The following MYOCD variants were observed in gnomAD, a reference collection of about 807,000 sequenced individuals.
MYOCD encodes the protein myocardin.
Under a neutral mutation model 96.1 loss-of-function variants are expected in MYOCD, and 32 were observed. That is an observed-to-expected ratio of 0.33 (90% CI 0.25 to 0.45). The LOEUF (loss-of-function observed/expected upper bound fraction) is 0.45. Ranked by LOEUF, MYOCD falls within the 20% of genes least tolerant of loss-of-function variation. The probability of loss-of-function intolerance (pLI) is 1.00; values close to 1 mark genes in which losing one functional copy is unlikely to be tolerated. For synonymous variants in MYOCD, 469 were observed against 469.0 expected (o/e 1.00, Z 0.00); for missense variants, 1,133 against 1,200.6 (o/e 0.94, Z 0.83).
At position 12,758,176 on chromosome 17, in the gene MYOCD, T is replaced by A. The variant is rs2033064985; in HGVS notation, c.2294T>A (p.Val765Glu). The A allele has an allele frequency of 6.2e-7, 1 of 1,614,020 alleles. No homozygotes were observed. Among genetic ancestry groups the A allele is most frequent in the Admixed American group, 1.7e-5 (1 of 59,996 alleles). Residue 765 changes from valine (V) to glutamate (E), a missense_variant, in exon 12 of 14, where the codon GTA becomes GAA. Physicochemically the swap from Val to Glu is moderately radical, Grantham distance 121. Transcript: ENST00000425538. The stretch of plus-strand genomic sequence containing the variant: ...AAGTCAAGTTCAGCAATTTCAGAGG[T>A]AACACAGCCTCCATCCTATGAAGAT... ...FSKSSSAISE[V>E]TQPPSYEDAV... is the part of the protein sequence containing the mutation.
rs2033356047 is a variant in MYOCD at position 12,766,982 on chromosome 17, G to A, written c.*3338G>A. ...AGGAAGAGAGGGAGGGAGGGAGGAA[G>A]AAGAGGGAGGGAGCGAGGAAGGAAG... On this transcript the variant is annotated 3_prime_UTR_variant, in exon 14 of 14. Transcript: ENST00000425538. The A allele has an allele frequency of 6.6e-6, 1 of 151,314 alleles. No homozygotes were observed. Among genetic ancestry groups the A allele is most frequent in the Non-Finnish European group, 1.5e-5 (1 of 67,838 alleles). The allele number at this position is 151,314 out of a possible 1,614,324, so 9.4% of individuals were successfully genotyped here.
At chr17:12,717,030 A>G (rs1170023328) in intron 3 of MYOCD, among the ~76,000 whole-genome samples, 2 of 148,768 alleles carry the variant, frequency 1.3e-5, no homozygotes, top group African/African-American at 5.0e-5. Context: ...AGGCAATGGA[A>G]TAAGATTCAT....
intron 5 of MYOCD, among the ~76,000 whole-genome samples, chr17:12,727,378 G>A (rs2032029575): frequency 6.6e-6 from 1 of 152,186 alleles, no homozygotes; most frequent in African/African-American, 2.4e-5. Context: ...GAGTTGCTTA[G>A]AGACAGCTAC....
At chr17:12,717,516 T>A in intron 4 of MYOCD, 95 bp downstream of exon 4, 1 of 1,004,370 alleles carries the variant, frequency 1.0e-6, no homozygotes, top group Non-Finnish European at 1.5e-6. Context: ...TAAGCCCTCT[T>A]AAAAATCTCC....
At chr17:12,707,002 C>T (rs2031311345) in intron 2 of MYOCD, among the ~76,000 whole-genome samples, 1 of 152,210 alleles carries the variant, frequency 6.6e-6, no homozygotes, top group Admixed American at 6.5e-5. Flanking sequence ...AGTGTAGAGT[C>T]TGCTGTGGAA....
chr17:12,709,434 T>C (rs2031410895), intron 2 of MYOCD, among the ~76,000 whole-genome samples: 1 of 152,188 alleles, frequency 6.6e-6, no homozygotes, highest in Non-Finnish European at 1.5e-5. Context: ...TCTTGACTTT[T>C]AGTCAAGACA....
intron 5 of MYOCD, among the ~76,000 whole-genome samples, chr17:12,723,367 C>T (rs557584023): frequency 3.9e-5 from 6 of 152,234 alleles, no homozygotes; most frequent in Admixed American, 2.0e-4. Context: ...ACTGTATCAG[C>T]GGAAAGAGCA....
In MYOCD at chr17:12,684,860, A is replaced by G. The variant is rs543198693; in HGVS notation, c.55+18617A>G. On this transcript the variant is annotated intron_variant, in intron 1 of 13. Transcript: ENST00000425538. ...GAATTCGTCTCAAAAAAAAAAAAAA[A>G]AAGAATTTCGCAATGGTGATAGCAC... Among the ~76,000 whole-genome samples, 12 of 152,088 alleles carry G rather than the reference A, an allele frequency of 7.9e-5. No individual in the cohort carries two copies. The East Asian group carries it at 1.9e-3, about 25-fold the overall frequency.
intron 1 of MYOCD, among the ~76,000 whole-genome samples, chr17:12,679,605 A>T (rs1910328492): frequency 6.6e-6 from 1 of 152,226 alleles, no homozygotes; most frequent in Non-Finnish European, 1.5e-5. Context: ...TATATATAGT[A>T]TGAGAGAGGT....
intron 1 of MYOCD, among the ~76,000 whole-genome samples, chr17:12,667,951 C>A (rs1321540545): frequency 6.6e-6 from 1 of 152,112 alleles, no homozygotes; most frequent in African/African-American, 2.4e-5. Flanking sequence ...ATCCTTAATC[C>A]TCCCGTCATT....
intron 13 of MYOCD, 85 bp from the exon 14 acceptor site, chr17:12,762,988 T>G (rs1192304059): frequency 8.4e-7 from 1 of 1,189,738 alleles, no homozygotes; most frequent in Non-Finnish European, 1.2e-6. Flanking sequence ...GTGGCCATCT[T>G]CTGTATCTAA....
chr17:12,732,663 A>G (rs895752296), intron 5 of MYOCD, among the ~76,000 whole-genome samples: 4 of 152,136 alleles, frequency 2.6e-5, no homozygotes, highest in Admixed American at 2.0e-4. Flanking sequence ...TAAACGCAAC[A>G]ATTTAGGAAT....
At chr17:12,744,143 A>G (rs1322003366) in intron 7 of MYOCD, 40 bp from the exon 8 acceptor site, 9 of 1,593,928 alleles carry the variant, frequency 5.6e-6, no homozygotes, top group Non-Finnish European at 7.7e-6. Flanking sequence ...ATTCTCAGCC[A>G]TCACCTAAAG....
At chr17:12,687,958 G>A (rs2030217591) in intron 1 of MYOCD, among the ~76,000 whole-genome samples, 1 of 152,202 alleles carries the variant, frequency 6.6e-6, no homozygotes, top group African/African-American at 2.4e-5. Context: ...TATTTGGTTG[G>A]ATGAAACAGA....
chr17:12,750,030 T>C (rs2150717119), intron 9 of MYOCD, among the ~76,000 whole-genome samples: 1 of 152,030 alleles, frequency 6.6e-6, no homozygotes, highest in East Asian at 2.0e-4. Flanking sequence ...TTTGTATTTT[T>C]AGTAGAGACG....
chr17:12,703,462 T>G (rs1279151962), intron 1 of MYOCD, among the ~76,000 whole-genome samples: 2 of 152,156 alleles, frequency 1.3e-5, no homozygotes, highest in Admixed American at 6.5e-5. Context: ...TTTTGCTTCA[T>G]GTATTTTGAG....
chr17:12,741,705 GTA>G (rs58461646), intron 7 of MYOCD, among the ~76,000 whole-genome samples: 67,196 of 146,818 alleles, frequency 0.46, 15,258 homozygotes, highest in East Asian at 0.58. Flanking sequence ...GCGAGACTCT[GTA>G]TATATATATA....
chr17:12,725,763 A>G (rs2031980998), intron 5 of MYOCD, among the ~76,000 whole-genome samples: 1 of 151,762 alleles, frequency 6.6e-6, no homozygotes, highest in Non-Finnish European at 1.5e-5. Context: ...TCTCTCTTAA[A>G]TCGGATTTTT....
chr17:12,735,716 T>C (rs1364706831), intron 5 of MYOCD, among the ~76,000 whole-genome samples: 1 of 152,178 alleles, frequency 6.6e-6, no homozygotes, highest in Admixed American at 6.5e-5. Flanking sequence ...CGCCCTGCTT[T>C]ATGTTTGAAG....
Sources: gnomAD v4.1 joint callset for allele counts (sites outside exome capture counted in the v4.1 genomes callset) on GRCh38, gnomAD v4.1.1 for gene constraint, MANE v1.5 for transcripts, NCBI Gene and HGNC (gene_info 2026-07-23, HGNC 2026-07-21) for gene names.